Variants in GBA1 observed in about 807,000 individuals in gnomAD.
GBA1 encodes the protein glucosylceramidase beta 1.
the GBA1 span, chr1:155,240,394 G>C: frequency 1.7e-3 from 1,029 of 608,442 alleles, 10 homozygotes; most frequent in East Asian, 0.026. Context: ...AATCTGGGAG[G>C]CAGAGGTTGG....
chr1:155,243,785 T>TG, the GBA1 span, among the ~76,000 whole-genome samples: 6 of 152,100 alleles, frequency 3.9e-5, no homozygotes, highest in South Asian at 1.2e-3. Flanking sequence ...TGTTTTGTTT[T>TG]TTTTTTTGAG....
At chr1:155,242,151 G>C in the GBA1 span, among the ~76,000 whole-genome samples, 12 of 152,216 alleles carry the variant, frequency 7.9e-5, no homozygotes, top group Non-Finnish European at 1.6e-4. Context: ...GGTTACTGCA[G>C]TCAGTGAGGT....
the GBA1 span, chr1:155,237,353 G>C: frequency 9.3e-6 from 15 of 1,613,872 alleles, no homozygotes; most frequent in African/African-American, 1.7e-4. Context: ...CCTTTGCCCA[G>C]TGGGGCAGCA....
the GBA1 span, among the ~76,000 whole-genome samples, chr1:155,241,974 C>T: frequency 7.2e-5 from 11 of 152,244 alleles, no homozygotes; most frequent in East Asian, 2.1e-3. Flanking sequence ...TGTACAAAGC[C>T]ATATCCTCAG....
chr1:155,239,500 C>T, the GBA1 span: 1 of 1,156,298 alleles, frequency 8.6e-7, no homozygotes, highest in Non-Finnish European at 1.3e-6. Context: ...CACTGCACTC[C>T]TGTCTCGCCG....
At chr1:155,235,738 T>A in the GBA1 span, 1 of 1,614,004 alleles carries the variant, frequency 6.2e-7, no homozygotes, top group South Asian at 1.1e-5. Context: ...CTTGGTGATG[T>A]CTACAATGAT....
chr1:155,240,536 A>G, the GBA1 span: 8 of 978,826 alleles, frequency 8.2e-6, no homozygotes, highest in Non-Finnish European at 1.1e-5. Flanking sequence ...AGCACCTACT[A>G]AAAGTCTACC....
the GBA1 span, chr1:155,240,258 G>GT: frequency 3.2e-6 from 2 of 623,752 alleles, no homozygotes; most frequent in Middle Eastern, 4.3e-4. Flanking sequence ...GAGGTGAGGA[G>GT]TTTGAGACCT....
chr1:155,240,548 C>T, the GBA1 span: 2 of 1,070,742 alleles, frequency 1.9e-6, no homozygotes, highest in East Asian at 4.7e-5. Context: ...AAGTCTACCA[C>T]CAGCTTACTG....
At chr1:155,241,252 C>A in the GBA1 span, 1 of 779,954 alleles carries the variant, frequency 1.3e-6, no homozygotes, top group Non-Finnish European at 2.3e-6. Context: ...GTAATTCCGG[C>A]TTCCCGATGT....
chr1:155,235,293 G>A, the GBA1 span: 13 of 1,613,480 alleles, frequency 8.1e-6, no homozygotes, highest in Admixed American at 2.2e-4. Context: ...CTCTCTGGGA[G>A]CCCTCAGGAA....
At chr1:155,236,481 G>A in the GBA1 span, 1 of 1,602,012 alleles carries the variant, frequency 6.2e-7, no homozygotes, top group South Asian at 1.1e-5. Context: ...TGCAAAGGAA[G>A]AGCAACTGAT....
At chr1:155,241,164 G>A in the GBA1 span, 1 of 1,568,752 alleles carries the variant, frequency 6.4e-7, no homozygotes, top group South Asian at 1.1e-5. Flanking sequence ...CAGAGTCTCT[G>A]AAGGATAGAG....
chr1:155,241,956 CAA>C, the GBA1 span, among the ~76,000 whole-genome samples: 8 of 152,148 alleles, frequency 5.3e-5, no homozygotes, highest in Non-Finnish European at 8.8e-5. Flanking sequence ...GTTCAAAAAC[CAA>C]AGTGTTGTAC....
At chr1:155,243,985 G>A in the GBA1 span, 1 of 152,262 alleles carries the variant, frequency 6.6e-6, no homozygotes, top group South Asian at 2.1e-4. Context: ...TCTGAAGAAC[G>A]TATGAATTAC....
the GBA1 span, among the ~76,000 whole-genome samples, chr1:155,242,666 G>A: frequency 1.3e-5 from 2 of 151,420 alleles, no homozygotes; most frequent in East Asian, 1.9e-4. Context: ...TGTTGCCCAG[G>A]CTGGAGTGCA....
the GBA1 span, chr1:155,239,510 G>A: frequency 1.6e-5 from 20 of 1,269,116 alleles, no homozygotes; most frequent in South Asian, 1.1e-4. Flanking sequence ...CTGTCTCGCC[G>A]ACAGAATGGG....
chr1:155,240,292 C>G, the GBA1 span: 1 of 607,000 alleles, frequency 1.6e-6, no homozygotes. Flanking sequence ...GGTGAAACCC[C>G]GTCTCTACTA....
chr1:155,242,356 G>A, the GBA1 span, among the ~76,000 whole-genome samples: 2 of 152,040 alleles, frequency 1.3e-5, no homozygotes, highest in African/African-American at 2.4e-5. Flanking sequence ...CCAAGTAGCT[G>A]GGATTACAGG....
Sources: gnomAD v4.1 joint callset for allele counts (sites outside exome capture counted in the v4.1 genomes callset) on GRCh38, gnomAD v4.1.1 for gene constraint, MANE v1.5 for transcripts, NCBI Gene and HGNC (gene_info 2026-07-23, HGNC 2026-07-21) for gene names.